The following UNC45A variants were observed in gnomAD, a reference collection of about 807,000 sequenced individuals.
The protein encoded by UNC45A is protein unc-45 homolog A.
Under a neutral mutation model 103.2 loss-of-function variants are expected in UNC45A, and 78 were observed. The ratio of observed to expected loss-of-function variants is 0.76; its 90% CI spans 0.63 to 0.91. UNC45A has a LOEUF of 0.91. Among genes scored for constraint, UNC45A ranks in the 40% least tolerant of loss-of-function variants. UNC45A has a pLI of 0.00. For missense variants in UNC45A, 1,193 were observed against 1,224.8 expected (o/e 0.97, Z 0.39); for synonymous variants, 495 against 504.6 (o/e 0.98, Z 0.25).
intron 10 of UNC45A, 41 bp downstream of exon 10, chr15:90,946,955 C>T: frequency 6.4e-7 from 1 of 1,569,824 alleles, no homozygotes; most frequent in Non-Finnish European, 8.7e-7. Context: ...GGCAGCCAGG[C>T]AGGGGTCCTG....
chr15:90,950,493 A>C lies in UNC45A; in HGVS notation c.2188-7A>C, dbSNP rs762938021. 3 of 1,613,692 alleles carry C rather than the reference A, an allele frequency of 1.9e-6. No individual in the cohort carries two copies. The highest frequency in any genetic ancestry group is 2.5e-6 in the Non-Finnish European group (3 of 1,179,864). On this transcript the variant is annotated splice_polypyrimidine_tract_variant and splice_region_variant and intron_variant, in intron 16 of 19. Transcript: ENST00000418476. ...AGTACCCCTGACAGGTGGGGTGCAC[A>C]TTGCAGATCTATGAGGTGGTCCGGC...
At chr15:90,946,985 G>C in intron 10 of UNC45A, 71 bp downstream of exon 10, 2 of 1,535,386 alleles carry the variant, frequency 1.3e-6, no homozygotes, top group East Asian at 4.5e-5. Flanking sequence ...GTGTTGCAGG[G>C]TGTGGCCCCA....
intron 10 of UNC45A, 28 bp downstream of exon 10, chr15:90,946,942 G>GGC: frequency 5.4e-4 from 443 of 815,920 alleles, no homozygotes; most frequent in Non-Finnish European, 8.1e-4. Flanking sequence ...GGGTGGGTGG[G>GGC]CAGGCAGCCA....
intron 10 of UNC45A, 67 bp downstream of exon 10, chr15:90,946,981 C>T (rs1480663190): frequency 5.8e-5 from 89 of 1,539,624 alleles, no homozygotes; most frequent in Non-Finnish European, 7.8e-5. Flanking sequence ...GCCGGTGTTG[C>T]AGGGTGTGGC....
intron 4 of UNC45A, 27 bp from the exon 5 acceptor site, chr15:90,939,704 T>G: frequency 6.2e-7 from 1 of 1,613,270 alleles, no homozygotes; most frequent in Non-Finnish European, 8.5e-7. Context: ...AGCCGTGATT[T>G]GTTCCATGCT....
intron 10 of UNC45A, 45 bp downstream of exon 10, chr15:90,946,959 G>T (rs759204982): frequency 2.0e-5 from 32 of 1,567,100 alleles, no homozygotes; most frequent in Admixed American, 5.2e-5. Context: ...GCCAGGCAGG[G>T]GTCCTGGTCC....
chr15:90,935,431 G>A, intron 1 of UNC45A, 56 bp downstream of exon 1: 2 of 1,580,534 alleles, frequency 1.3e-6, no homozygotes, highest in Non-Finnish European at 8.6e-7. Flanking sequence ...ACCATCCCTG[G>A]CCTCCTTCTC....
At chr15:90,937,950 C>T (rs966232439) in intron 4 of UNC45A, among the ~76,000 whole-genome samples, 1 of 152,014 alleles carries the variant, frequency 6.6e-6, no homozygotes, top group Non-Finnish European at 1.5e-5. Context: ...CATGTCACCA[C>T]GCTCGCCTAA....
rs763767317 is a variant in UNC45A, at chr15:90,944,937, C to T, written c.1073C>T (p.Pro358Leu). Reference sequence around the variant, plus strand: ...GTGGGGGGCTCTCTACAGGACCCTCCTGGGGAGCTCGCAGTGACCGCAAAC... The same window carrying T: ...GTGGGGGGCTCTCTACAGGACCCTCTTGGGGAGCTCGCAGTGACCGCAAAC... ...LEVGGSLQDP[P>L]GELAVTANSR... Residue 358 changes from proline (P) to leucine (L), a missense_variant, in exon 9 of 20, where the codon CCT becomes CTT. Coordinates refer to ENST00000418476, the MANE Select transcript of UNC45A (RefSeq NM_018671.5). 3.7e-6 allele frequency: 6 copies of T among 1,612,390 alleles called. No homozygotes were observed. Among genetic ancestry groups the T allele is most frequent in the East Asian group, 2.2e-5 (1 of 44,896 alleles).
At position 90,949,155 on chromosome 15, in the gene UNC45A, T is replaced by G. The variant is rs147911060; in HGVS notation, c.1879-161T>G. ...CCTCCCAAAGTGCTGGGATTACAGG[T>G]GTGAGCCACCGTGCCCAGCCAACAG... On this transcript the variant is annotated intron_variant, in intron 13 of 19. Transcript: ENST00000418476. Among the ~76,000 whole-genome samples the G allele has an allele frequency of 4.6e-3, 699 of 152,230 alleles. 9 individuals carry two copies. The highest frequency in any genetic ancestry group is 0.016 in the African/African-American group (679 of 41,542).
chr15:90,946,286 T>G (rs1412536966), intron 9 of UNC45A, among the ~76,000 whole-genome samples: 1 of 149,484 alleles, frequency 6.7e-6, no homozygotes, highest in Non-Finnish European at 1.5e-5. Context: ...GAAAAAAAAT[T>G]AAAGGAGCTT....
At chr15:90,938,883 G>A (rs540450270) in intron 4 of UNC45A, among the ~76,000 whole-genome samples, 1 of 151,936 alleles carries the variant, frequency 6.6e-6, no homozygotes, top group Non-Finnish European at 1.5e-5. Flanking sequence ...TGTTGGCCAG[G>A]CTGGTCTCAA....
intron 4 of UNC45A, among the ~76,000 whole-genome samples, chr15:90,938,753 C>T (rs1201940947): frequency 1.3e-5 from 2 of 152,160 alleles, no homozygotes; most frequent in African/African-American, 2.4e-5. Context: ...CTGACTGCAA[C>T]CTCCACCTCC....
rs749386939 is a variant in UNC45A, at chr15:90,947,776, G to T, written c.1501-20G>T. Reference sequence around the variant, plus strand: ...TGCCTCCTTCCCCAGAGGCCAACTGGTCTTGCCCTCTTCCTCCAGGGACTC... The same window carrying T: ...TGCCTCCTTCCCCAGAGGCCAACTGTTCTTGCCCTCTTCCTCCAGGGACTC... On this transcript the variant is annotated intron_variant, in intron 10 of 19. Coordinates refer to ENST00000418476, the MANE Select transcript of UNC45A (RefSeq NM_018671.5). 1 of 1,598,530 alleles carries T rather than the reference G, an allele frequency of 6.3e-7. No individual in the cohort carries two copies.
At chr15:90,931,973 G>C (rs768239108), upstream of UNC45A, 19 of 1,613,912 alleles carry the variant, frequency 1.2e-5, no homozygotes, top group Non-Finnish European at 1.4e-5. Context: ...TCAGCCCTGA[G>C]ATGTCAGCCA....
At chr15:90,948,554 C>A in intron 12 of UNC45A, 100 bp from the exon 13 acceptor site, 1 of 1,534,420 alleles carries the variant, frequency 6.5e-7, no homozygotes, top group Non-Finnish European at 8.8e-7. Flanking sequence ...ACCCAAGGGT[C>A]CCAGCTGAGG....
rs1266274270 is a variant in UNC45A at position 90,953,668 on chromosome 15, C to T, written c.2787C>T (p.Asp929=). 20 of 1,614,122 alleles carry T rather than the reference C, an allele frequency of 1.2e-5. No individual in the cohort carries two copies. The highest frequency in any genetic ancestry group is 1.7e-5 in the Non-Finnish European group (20 of 1,180,016). Residue 929 remains aspartate (D), a synonymous_variant, in exon 20 of 20, where the codon GAC becomes GAT. Coordinates refer to ENST00000418476, the MANE Select transcript of UNC45A (RefSeq NM_018671.5). ...CAAGGGCTGCTGCAGCCTGCCTGGA[C>T]AAAGCAGTGGAATATGGGCTTATCC... is the stretch of plus-strand genomic sequence containing the variant. ...PVTRAAAACL[D]KAVEYGLIQP...
intron 8 of UNC45A, among the ~76,000 whole-genome samples, chr15:90,944,011 T>TC (rs71154148): frequency 6.9e-6 from 1 of 144,598 alleles, no homozygotes; most frequent in African/African-American, 2.7e-5. Flanking sequence ...TTTTTTTTTT[T>TC]GTTTGAGTGA....
At position 90,945,068 on chromosome 15, in the gene UNC45A, G is replaced by C. The variant is rs780618542; in HGVS notation, c.1199+5G>C. On this transcript the variant is annotated splice_donor_5th_base_variant and intron_variant, in intron 9 of 19. Transcript: ENST00000418476. ...ACTTTGTGAAAACTACATCAAGTAA[G>C]GAAGTCTGTTTCACCTCCCGTTGCC... The C allele has an allele frequency of 6.2e-7, 1 of 1,611,204 alleles. No homozygotes were observed. The highest frequency in any genetic ancestry group is 8.5e-7 in the Non-Finnish European group (1 of 1,179,098).
Sources: gnomAD v4.1 joint callset for allele counts (sites outside exome capture counted in the v4.1 genomes callset) on GRCh38, gnomAD v4.1.1 for gene constraint, MANE v1.5 for transcripts, NCBI Gene and HGNC (gene_info 2026-07-23, HGNC 2026-07-21) for gene names.